ABCC8: variants seen among roughly 807,000 people sequenced by gnomAD.
The protein encoded by ABCC8 is ATP-binding cassette sub-family C member 8.
A neutral mutation model predicts 188.0 loss-of-function variants in ABCC8; 137 were observed. That is an observed-to-expected ratio of 0.73 (90% CI 0.63 to 0.84). The LOEUF (loss-of-function observed/expected upper bound fraction) is 0.84, where lower values mean the gene tolerates loss of function less well. ABCC8 is among the 40% of genes least tolerant of loss of function. The pLI, the probability that ABCC8 is intolerant of heterozygous loss-of-function variation, is 0.00. For synonymous variants in ABCC8, 797 were observed against 846.5 expected (o/e 0.94, Z 1.01); for missense variants, 1,750 against 2,072.7 (o/e 0.84, Z 3.02).
At chr11:17,442,605 G>T (rs1358659796) in intron 10 of ABCC8, 115 bp downstream of exon 10, 15 of 1,067,822 alleles carry the variant, frequency 1.4e-5, no homozygotes, top group Non-Finnish European at 2.0e-5. Context: ...TACTGAGTCG[G>T]ATAATCTCAA....
chr11:17,457,983 T>A (rs1470290188), intron 6 of ABCC8, among the ~76,000 whole-genome samples: 2 of 152,122 alleles, frequency 1.3e-5, no homozygotes, highest in Admixed American at 1.3e-4. Flanking sequence ...AGCACTCGGT[T>A]CTCTCTGGAT....
intron 10 of ABCC8, chr11:17,435,634 A>G: frequency 7.1e-7 from 1 of 1,398,676 alleles, no homozygotes; most frequent in South Asian, 1.2e-5. Flanking sequence ...GGTGAATGTA[A>G]TAATGTGTAG....
In ABCC8 at chr11:17,430,891, G is replaced by A. The variant is rs570157680; in HGVS notation, c.1740C>T (p.Leu580=). ...GTGTGACCAAGATATGGAAGAGGGA[G>A]AGGGAGGCAAAGGCCACGGAGGGCG... ...DFSPSVAFAS[L]SLFHILVTPL... The change falls in exon 12 of 39, where the codon CTC becomes CTT. Residue 580 remains leucine (L), a synonymous_variant. Transcript: ENST00000389817. The A allele has an allele frequency of 6.2e-7, 1 of 1,614,238 alleles. No individual in the cohort carries two copies. Among genetic ancestry groups the A allele is most frequent in the South Asian group, 1.1e-5 (1 of 91,090 alleles).
At position 17,428,281 on chromosome 11, in the gene ABCC8, G is replaced by A. The variant is rs779720624; in HGVS notation, c.2040+8C>T. 1.2e-6 allele frequency: 2 copies of A among 1,613,970 alleles called. No individual in the cohort carries two copies. The highest frequency in any genetic ancestry group is 2.7e-5 in the African/African-American group (2 of 74,932). ...CTGGGTGGCCAGGCATGGGGCAGCA[G>A]GACTCACCTGGACACAGCAGTTGTC... is the stretch of plus-strand genomic sequence containing the variant. On this transcript the variant is annotated splice_region_variant and intron_variant, in intron 14 of 38. Transcript: ENST00000389817.
At position 17,457,449 on chromosome 11, in the gene ABCC8, A is replaced by T. The variant is rs552459044; in HGVS notation, c.1011+3039T>A. Among the ~76,000 whole-genome samples, 6 of 152,288 alleles carry T rather than the reference A, an allele frequency of 3.9e-5. No individual in the cohort carries two copies. In the South Asian group the frequency reaches 1.2e-3, roughly 32 times the overall value. On this transcript the variant is annotated intron_variant, in intron 6 of 38. Coordinates refer to ENST00000389817, the MANE Select transcript of ABCC8 (RefSeq NM_000352.6). ...TTTGAAGCTTTAGCCCTTCGATCAA[A>T]CCCAGACTGTTCCTTCTTCCTTTGG...
At chr11:17,414,397 C>T (rs1044267857) in intron 19 of ABCC8, 115 bp downstream of exon 19, 1 of 1,442,104 alleles carries the variant, frequency 6.9e-7, no homozygotes, top group Non-Finnish European at 9.7e-7. Context: ...AGGTAAGCAC[C>T]TGGGGAGTGA....
chr11:17,436,269 G>A, intron 10 of ABCC8: 2 of 449,648 alleles, frequency 4.4e-6, no homozygotes, highest in South Asian at 4.1e-5. Context: ...TGGGGTGGAT[G>A]TGGCTGGACC....
At chr11:17,402,601 C>T (rs990566119) in intron 29 of ABCC8, 60 bp downstream of exon 29, 9 of 1,614,010 alleles carry the variant, frequency 5.6e-6, no homozygotes, top group Non-Finnish European at 6.8e-6. Flanking sequence ...AATCTCATGG[C>T]CTGTGCCCCC....
chr11:17,448,088 A>G (rs1956608292), intron 8 of ABCC8: 1 of 191,502 alleles, frequency 5.2e-6, no homozygotes, highest in Admixed American at 5.4e-5. Flanking sequence ...ATCTGTGGGC[A>G]TTCCATGTAC....
At chr11:17,399,589 C>T (rs756605771) in intron 29 of ABCC8, among the ~76,000 whole-genome samples, 1 of 152,190 alleles carries the variant, frequency 6.6e-6, no homozygotes, top group African/African-American at 2.4e-5. Context: ...CTGGCTACTA[C>T]CTTACTATAA....
intron 29 of ABCC8, 105 bp downstream of exon 29, chr11:17,402,556 G>A: frequency 1.2e-6 from 2 of 1,606,338 alleles, no homozygotes; most frequent in Non-Finnish European, 1.7e-6. Context: ...GAGAGAACGT[G>A]TCCTTGGCCT....
chr11:17,469,975 T>G, intron 3 of ABCC8, 126 bp downstream of exon 3: 7 of 1,252,228 alleles, frequency 5.6e-6, no homozygotes, highest in Non-Finnish European at 8.0e-6. Flanking sequence ...AAGGCAGGGA[T>G]TTTTTTCTTT....
chr11:17,439,555 C>A (rs1043771292), intron 10 of ABCC8, among the ~76,000 whole-genome samples: 1 of 152,114 alleles, frequency 6.6e-6, no homozygotes, highest in African/African-American at 2.4e-5. Context: ...AAAGCATATG[C>A]CTGCAGCCAG....
At chr11:17,403,482 G>A (rs1306717779) in intron 28 of ABCC8, among the ~76,000 whole-genome samples, 2 of 152,180 alleles carry the variant, frequency 1.3e-5, no homozygotes, top group African/African-American at 4.8e-5. Flanking sequence ...AAAAAGCTAT[G>A]TTGTTCGTGT....
chr11:17,408,185 G>A, intron 23 of ABCC8: 1 of 536,748 alleles, frequency 1.9e-6, no homozygotes. Flanking sequence ...CTCAGGATAA[G>A]GCGAAGGTGC....
intron 16 of ABCC8, among the ~76,000 whole-genome samples, chr11:17,420,658 G>A (rs1460926770): frequency 3.9e-5 from 6 of 152,192 alleles, no homozygotes; most frequent in African/African-American, 7.2e-5. Context: ...TTGCAGCAGG[G>A]AGCTCCAGTG....
intron 6 of ABCC8, among the ~76,000 whole-genome samples, chr11:17,455,829 C>A (rs956311941): frequency 5.3e-5 from 8 of 150,750 alleles, no homozygotes; most frequent in African/African-American, 2.0e-4. Flanking sequence ...ATCCCAGCTA[C>A]TTGGGAGGCT....
chr11:17,418,852 T>C (rs902649034), intron 16 of ABCC8, among the ~76,000 whole-genome samples: 2 of 152,224 alleles, frequency 1.3e-5, no homozygotes, highest in Non-Finnish European at 2.9e-5. Context: ...CAGAGCTATA[T>C]AATGAATGGA....
intron 6 of ABCC8, among the ~76,000 whole-genome samples, chr11:17,459,785 G>T (rs928052490): frequency 6.6e-6 from 1 of 152,152 alleles, no homozygotes; most frequent in Non-Finnish European, 1.5e-5. Context: ...ACGGCCCCAC[G>T]CAGGGCAAAT....
Sources: gnomAD v4.1 joint callset for allele counts (sites outside exome capture counted in the v4.1 genomes callset) on GRCh38, gnomAD v4.1.1 for gene constraint, MANE v1.5 for transcripts, NCBI Gene and HGNC (gene_info 2026-07-23, HGNC 2026-07-21) for gene names.